Variants in RORB observed in about 807,000 individuals in gnomAD.
RORB encodes RAR related orphan receptor B, also known as nuclear receptor ROR-beta.
RORB carries 6 observed loss-of-function variants against 59.1 expected under a neutral mutation model. That is an observed-to-expected ratio of 0.10 (90% CI 0.06 to 0.20). RORB has a LOEUF of 0.20. Among genes scored for constraint, RORB ranks in the 10% least tolerant of loss-of-function variants. The pLI is 1.00. For synonymous variants in RORB, 215 were observed against 204.5 expected (o/e 1.05, Z -0.44); for missense variants, 320 against 560.5 (o/e 0.57, Z 4.33).
intron 3 of RORB, among the ~76,000 whole-genome samples, chr9:74,636,201 G>A (rs1823700810): frequency 6.6e-6 from 1 of 152,138 alleles, no homozygotes; most frequent in Non-Finnish European, 1.5e-5. Flanking sequence ...CTTATTTCGT[G>A]TAATTATATG....
At chr9:74,682,805 T>G (rs377697196) in intron 9 of RORB, among the ~76,000 whole-genome samples, 3 of 152,346 alleles carry the variant, frequency 2.0e-5, no homozygotes, top group East Asian at 3.9e-4. Flanking sequence ...TTGGCCAGGC[T>G]GGTCTCAAAC....
At chr9:74,532,765 C>A (rs1219725673) in intron 1 of RORB, among the ~76,000 whole-genome samples, 1 of 143,400 alleles carries the variant, frequency 7.0e-6, no homozygotes, top group African/African-American at 2.7e-5. Context: ...TATATACACA[C>A]GTGTATGTGT....
rs560482325 is a variant in RORB, at chr9:74,669,489, A to T, written c.1111+1588A>T. Among the ~76,000 whole-genome samples the T allele has an allele frequency of 4.9e-3, 748 of 151,386 alleles. 3 individuals carry two copies. Among genetic ancestry groups the T allele is most frequent in the Non-Finnish European group, 8.2e-3 (556 of 67,890 alleles). On this transcript the variant is annotated intron_variant, in intron 8 of 9. Transcript: ENST00000376896. ...ACCGAAACTCTGTCTCAAAAAAAAA[A>T]AAAAAAAGTATATGCCAACTTAAAA...
intron 3 of RORB, among the ~76,000 whole-genome samples, chr9:74,642,149 G>A (rs1023326534): frequency 8.5e-5 from 13 of 152,054 alleles, no homozygotes; most frequent in African/African-American, 3.1e-4. Context: ...CTAACTTCAT[G>A]GCAATGAGAA....
chr9:74,680,960 A>G (rs867678444), intron 9 of RORB, among the ~76,000 whole-genome samples: 1 of 152,220 alleles, frequency 6.6e-6, no homozygotes, highest in Non-Finnish European at 1.5e-5. Context: ...TAGGATTATT[A>G]TCTCTTCTCA....
chr9:74,644,070 T>G (rs564620253), intron 4 of RORB, among the ~76,000 whole-genome samples: 1 of 152,242 alleles, frequency 6.6e-6, no homozygotes, highest in Non-Finnish European at 1.5e-5. Context: ...CTGTCTAACC[T>G]GCAAATAGGA....
At chr9:74,569,091 T>A (rs958809950) in intron 1 of RORB, among the ~76,000 whole-genome samples, 1 of 152,068 alleles carries the variant, frequency 6.6e-6, no homozygotes, top group African/African-American at 2.4e-5. Flanking sequence ...TATTATAGTG[T>A]AAATAACCAT....
chr9:74,554,712 A>G (rs989192054), intron 1 of RORB, among the ~76,000 whole-genome samples: 22 of 152,242 alleles, frequency 1.4e-4, no homozygotes, highest in Admixed American at 6.5e-4. Flanking sequence ...GTAGAAAGAT[A>G]GTTGAAATAC....
At chr9:74,590,888 C>T (rs895270314) in intron 1 of RORB, among the ~76,000 whole-genome samples, 5 of 152,106 alleles carry the variant, frequency 3.3e-5, no homozygotes, top group African/African-American at 9.7e-5. Context: ...CCTCTGCCTC[C>T]GGATTCAAGC....
At chr9:74,642,338 A>G in intron 3 of RORB, 76 bp from the exon 4 acceptor site, 1 of 1,426,274 alleles carries the variant, frequency 7.0e-7, no homozygotes, top group Non-Finnish European at 9.5e-7. Flanking sequence ...CAACCATCCC[A>G]TGACCCGTTG....
At chr9:74,654,683 C>A (rs753564335) in intron 4 of RORB, among the ~76,000 whole-genome samples, 3 of 152,094 alleles carry the variant, frequency 2.0e-5, no homozygotes, top group Non-Finnish European at 4.4e-5. Flanking sequence ...TCTGAGACTT[C>A]TTTTTATTTG....
chr9:74,527,511 T>C (rs1826173151), intron 1 of RORB, among the ~76,000 whole-genome samples: 1 of 151,908 alleles, frequency 6.6e-6, no homozygotes, highest in South Asian at 2.1e-4. Flanking sequence ...AAGGAAGAGG[T>C]TTAGAAACTG....
chr9:74,504,643 CCTGG>C (rs1185802723), intron 1 of RORB, among the ~76,000 whole-genome samples: 2 of 151,818 alleles, frequency 1.3e-5, no homozygotes, highest in African/African-American at 4.8e-5. Flanking sequence ...ATCATGTGGT[CCTGG>C]CTAATTTAGA....
At chr9:74,674,379 GT>G (rs1436179145) in intron 9 of RORB, among the ~76,000 whole-genome samples, 5 of 152,158 alleles carry the variant, frequency 3.3e-5, no homozygotes, top group South Asian at 2.1e-4. Context: ...TACCCGAAAT[GT>G]TGTGTTGAAT....
chr9:74,502,740 A>C (rs1346678915), intron 1 of RORB, among the ~76,000 whole-genome samples: 1 of 152,094 alleles, frequency 6.6e-6, no homozygotes, highest in Non-Finnish European at 1.5e-5. Flanking sequence ...GCATTGGTGA[A>C]ATTTAAGCCT....
At chr9:74,498,358 C>T (rs564086598) in intron 1 of RORB, 1 of 190,322 alleles carries the variant, frequency 5.3e-6, no homozygotes. Context: ...TGGAAGCGCC[C>T]GGCGCGCAGT....
intron 1 of RORB, among the ~76,000 whole-genome samples, chr9:74,620,894 G>A (rs1823403186): frequency 6.6e-6 from 1 of 152,134 alleles, no homozygotes; most frequent in Admixed American, 6.5e-5. Flanking sequence ...ACTTGTCTTT[G>A]CTGGACCCTC....
At chr9:74,505,929 A>C (rs961982792) in intron 1 of RORB, among the ~76,000 whole-genome samples, 11 of 151,934 alleles carry the variant, frequency 7.2e-5, no homozygotes, top group African/African-American at 2.7e-4. Flanking sequence ...AAGTATATTG[A>C]AGGTGAGACG....
intron 1 of RORB, among the ~76,000 whole-genome samples, chr9:74,528,848 A>G (rs1456653438): frequency 1.3e-5 from 2 of 151,968 alleles, no homozygotes; most frequent in Non-Finnish European, 2.9e-5. Context: ...CGTGAAGTGG[A>G]TATTGCTATT....
Sources: allele counts gnomAD v4.1 joint callset (sites outside exome capture counted in the v4.1 genomes callset), GRCh38; gene constraint gnomAD v4.1.1; transcripts MANE v1.5; gene names NCBI Gene and HGNC (gene_info 2026-07-23, HGNC 2026-07-21).